ABCC11: variants seen among roughly 807,000 people sequenced by gnomAD.
The protein encoded by ABCC11 is ATP binding cassette subfamily C member 11.
ABCC11 carries 135 observed loss-of-function variants against 149.3 expected under a neutral mutation model. The ratio of observed to expected loss-of-function variants is 0.90; its 90% CI spans 0.79 to 1.04. The LOEUF (loss-of-function observed/expected upper bound fraction) is 1.04, where lower values mean the gene tolerates loss of function less well. Among genes scored for constraint, ABCC11 ranks in the 50% least tolerant of loss-of-function variants. The pLI, the probability that ABCC11 is intolerant of heterozygous loss-of-function variation, is 0.00. For synonymous variants in ABCC11, 665 were observed against 671.4 expected, an observed-to-expected ratio of 0.99 and a Z score of 0.15; for missense variants, 1,680 against 1,722.1, an observed-to-expected ratio of 0.98 and a Z score of 0.43.
chr16:48,185,913 G>C (rs1033792946), intron 22 of ABCC11, among the ~76,000 whole-genome samples: 1 of 152,038 alleles, frequency 6.6e-6, no homozygotes, highest in Admixed American at 6.5e-5. Flanking sequence ...TGTCCCCTCT[G>C]CCTGGAGAGC....
chr16:48,203,223 C>T lies in ABCC11; in HGVS notation c.1878+5G>A. 2 of 1,568,826 alleles carry T rather than the reference C, an allele frequency of 1.3e-6. No homozygotes were observed. The highest frequency in any genetic ancestry group is 1.3e-5 in the African/African-American group (1 of 74,248). ...ACAGAGAAGGCAGGCTCGCCTCCCT[C>T]TCACCTCTGTCATGTCTCCAAAGGG... On this transcript the variant is annotated splice_donor_5th_base_variant and intron_variant, in intron 14 of 29. Transcript: ENST00000356608.
At chr16:48,197,854 A>C in intron 17 of ABCC11, 117 bp downstream of exon 17, 1 of 1,067,430 alleles carries the variant, frequency 9.4e-7, no homozygotes, top group East Asian at 2.4e-5. Context: ...GTAAATGCTT[A>C]GGGTCTCAAG....
intron 26 of ABCC11, among the ~76,000 whole-genome samples, chr16:48,173,593 C>T (rs1380527749): frequency 2.0e-5 from 3 of 152,198 alleles, no homozygotes; most frequent in African/African-American, 7.2e-5. Flanking sequence ...TTATCATTCC[C>T]CTAACACAAC....
chr16:48,166,017 T>C lies in ABCC11; in HGVS notation c.*1257A>G, dbSNP rs1965322664. 6.6e-6 allele frequency among the ~76,000 whole-genome samples: 1 copy of C among 152,228 alleles called. No individual in the cohort carries two copies. Among genetic ancestry groups the C allele is most frequent in the African/African-American group, 2.4e-5 (1 of 41,448 alleles). On this transcript the variant is annotated 3_prime_UTR_variant, in exon 30 of 30. Transcript: ENST00000356608. The stretch of plus-strand genomic sequence containing the variant: ...TCATACGTTGTAAGTTATGCTGCTC[T>C]TCAGTAAACAATCATAGTAGACAGC...
chr16:48,232,782 T>C (rs1472955947), intron 1 of ABCC11, among the ~76,000 whole-genome samples: 1 of 152,260 alleles, frequency 6.6e-6, no homozygotes, highest in Non-Finnish European at 1.5e-5. Flanking sequence ...TGCTTTTCTG[T>C]TGCCATCCTG....
intron 6 of ABCC11, among the ~76,000 whole-genome samples, chr16:48,221,710 T>C (rs1969750340): frequency 6.6e-6 from 1 of 151,942 alleles, no homozygotes; most frequent in Non-Finnish European, 1.5e-5. Flanking sequence ...ATAATCTGGC[T>C]CAGAATAGGC....
intron 18 of ABCC11, among the ~76,000 whole-genome samples, chr16:48,195,730 T>C (rs1596726659): frequency 6.6e-6 from 1 of 152,176 alleles, no homozygotes; most frequent in African/African-American, 2.4e-5. Context: ...AAAATAAAAG[T>C]CCCACCACTG....
intron 10 of ABCC11, among the ~76,000 whole-genome samples, chr16:48,212,579 A>T (rs1328845487): frequency 6.6e-6 from 1 of 152,198 alleles, no homozygotes; most frequent in African/African-American, 2.4e-5. Flanking sequence ...TATTGGCATC[A>T]TGGCTCTTCA....
intron 24 of ABCC11, 81 bp from the exon 25 acceptor site, chr16:48,177,194 T>C (rs1966136414): frequency 7.0e-7 from 1 of 1,435,650 alleles, no homozygotes; most frequent in Admixed American, 2.0e-5. Context: ...AGCCTCCCGC[T>C]GTAGGGGGTG....
At chr16:48,237,853 C>T (rs1360129150) in intron 1 of ABCC11, among the ~76,000 whole-genome samples, 1 of 152,230 alleles carries the variant, frequency 6.6e-6, no homozygotes, top group Non-Finnish European at 1.5e-5. Flanking sequence ...CCCCCACCCC[C>T]TAATCTTTGC....
Position 48,192,704 on chromosome 16 carries a change from C to A in ABCC11, c.2522G>T (p.Arg841Leu). 1 of 1,614,198 alleles carries A rather than the reference C, an allele frequency of 6.2e-7. No homozygotes were observed. The highest frequency in any genetic ancestry group is 8.5e-7 in the Non-Finnish European group (1 of 1,180,032). Reference protein sequence around the residue: ...LEQGSGTNSSRESNGTMADLG... With the variant: ...LEQGSGTNSSLESNGTMADLG... ...GTCTGCCATGGTTCCATTGCTCTCT[C>A]GGCTGCTATTGGTCTTCAAGAAAGA... Residue 841 changes from arginine (R) to leucine (L), a missense_variant, in exon 20 of 30, where the codon CGA becomes CTA. By Grantham distance (102) the Arg-to-Leu change is moderately radical (BLOSUM62 -2). Transcript: ENST00000356608.
intron 23 of ABCC11, among the ~76,000 whole-genome samples, chr16:48,181,867 A>C (rs1005272841): frequency 4.6e-5 from 7 of 151,880 alleles, no homozygotes; most frequent in African/African-American, 1.7e-4. Context: ...CCCACCTTGG[A>C]CTCTCAAAGT....
At chr16:48,221,535 C>T (rs1189781814) in intron 6 of ABCC11, among the ~76,000 whole-genome samples, 1 of 151,972 alleles carries the variant, frequency 6.6e-6, no homozygotes, top group Non-Finnish European at 1.5e-5. Flanking sequence ...GAAATTAAAA[C>T]TCTGAGATGT....
intron 22 of ABCC11, 49 bp downstream of exon 22, chr16:48,186,904 C>T (rs1966778159): frequency 6.2e-7 from 1 of 1,607,240 alleles, no homozygotes; most frequent in East Asian, 2.2e-5. Context: ...CCCTGCTCCC[C>T]ACCACCCCTG....
chr16:48,231,880 A>T lies in ABCC11; in HGVS notation c.42T>A (p.Gly14=). ...KRTYWVPNSS[G]GLVNRGIDIG... ...TGTCGATGCCACGATTCACGAGGCC[A>T]CCAGAAGAGTTGGGCACCCAGTATG... is the stretch of plus-strand genomic sequence containing the variant. Residue 14 remains glycine, a synonymous_variant, in exon 2 of 30, where the codon GGT becomes GGA. Transcript: ENST00000356608. 1 of 1,614,186 alleles carries T rather than the reference A, an allele frequency of 6.2e-7. No individual in the cohort carries two copies. The highest frequency in any genetic ancestry group is 8.5e-7 in the Non-Finnish European group (1 of 1,180,028).
Position 48,234,408 on chromosome 16 carries a change from G to A in ABCC11, c.-18-2469C>T, listed in dbSNP as rs574881587. On this transcript the variant is annotated intron_variant, in intron 1 of 29. Coordinates refer to ENST00000356608, the MANE Select transcript of ABCC11 (RefSeq NM_001370497.1). ...ATTAATGTTTGTGTTTAGCAGCTAT[G>A]CTCTCAAAGTTCATGAAAATTTGAC... is the stretch of plus-strand genomic sequence containing the variant. Among the ~76,000 whole-genome samples, 5 of 152,162 alleles carry A rather than the reference G, an allele frequency of 3.3e-5. No homozygotes were observed. The South Asian group carries it at 1.0e-3, about 32-fold the overall frequency.
At chr16:48,232,196 A>G (rs1289011577) in intron 1 of ABCC11, 8 of 612,038 alleles carry the variant, frequency 1.3e-5, no homozygotes, top group Non-Finnish European at 1.8e-5. Flanking sequence ...CCAACACCGC[A>G]CCCTTGATCC....
intron 10 of ABCC11, among the ~76,000 whole-genome samples, chr16:48,212,184 G>T (rs192882004): frequency 2.6e-5 from 4 of 152,320 alleles, no homozygotes; most frequent in African/African-American, 9.6e-5. Flanking sequence ...ACTCAGAGCA[G>T]CCAAGCTCAT....
chr16:48,175,470 A>G, intron 25 of ABCC11, 53 bp from the exon 26 acceptor site: 1 of 1,565,136 alleles, frequency 6.4e-7, no homozygotes, highest in East Asian at 2.3e-5. Context: ...GCACTAGCGG[A>G]AGCACAGATC....
Sources: gnomAD v4.1 joint callset for allele counts (sites outside exome capture counted in the v4.1 genomes callset) on GRCh38, gnomAD v4.1.1 for gene constraint, MANE v1.5 for transcripts, NCBI Gene and HGNC (gene_info 2026-07-23, HGNC 2026-07-21) for gene names.